Variants in SLC44A1 observed in about 807,000 individuals in gnomAD.
SLC44A1 encodes choline transporter-like protein 1.
SLC44A1 carries 26 observed loss-of-function variants against 79.3 expected under a neutral mutation model. The observed-to-expected ratio is 0.33, with a 90% CI of 0.24 to 0.46. The LOEUF is 0.46. Among genes scored for constraint, SLC44A1 ranks in the 20% least tolerant of loss-of-function variants. The probability of loss-of-function intolerance (pLI) is 1.00; values close to 1 mark genes in which losing one functional copy is unlikely to be tolerated. For missense variants in SLC44A1, 688 were observed against 798.1 expected (o/e 0.86, Z 1.66); for synonymous variants, 263 against 286.2 (o/e 0.92, Z 0.82).
intron 15 of SLC44A1, among the ~76,000 whole-genome samples, chr9:105,411,452 ATGTGTG>A (rs143819316): frequency 1.1e-4 from 14 of 127,544 alleles, no homozygotes; most frequent in Admixed American, 3.9e-4. Context: ...CTCTCTGTGT[ATGTGTG>A]TGTGTGTGTG....
intron 3 of SLC44A1, among the ~76,000 whole-genome samples, chr9:105,329,081 A>G (rs1247259664): frequency 6.6e-6 from 1 of 152,182 alleles, no homozygotes; most frequent in East Asian, 1.9e-4. Flanking sequence ...TGGGTGGAGT[A>G]CAGATCTGCG....
intron 5 of SLC44A1, among the ~76,000 whole-genome samples, chr9:105,354,218 T>A (rs574218010): frequency 0.018 from 2,744 of 150,380 alleles, 79 homozygotes; most frequent in African/African-American, 0.064. Flanking sequence ...GCCCGGCTAA[T>A]TTTTTGTATT....
chr9:105,297,123 G>T (rs1830744801), intron 1 of SLC44A1, among the ~76,000 whole-genome samples: 1 of 152,092 alleles, frequency 6.6e-6, no homozygotes, highest in Admixed American at 6.6e-5. Context: ...TGACTAACTA[G>T]TGCTCTTTTG....
intron 3 of SLC44A1, among the ~76,000 whole-genome samples, chr9:105,314,050 G>A (rs1255628154): frequency 6.6e-6 from 1 of 152,070 alleles, no homozygotes; most frequent in Non-Finnish European, 1.5e-5. Flanking sequence ...AGGCGTGCAC[G>A]ACTGCGCCCA....
chr9:105,276,123 G>A (rs1209629728), intron 1 of SLC44A1, among the ~76,000 whole-genome samples: 1 of 152,080 alleles, frequency 6.6e-6, no homozygotes, highest in East Asian at 1.9e-4. Flanking sequence ...CAATCTTAGA[G>A]TCACCAGGGC....
intron 1 of SLC44A1, among the ~76,000 whole-genome samples, chr9:105,274,705 A>G (rs368441733): frequency 7.9e-5 from 12 of 152,342 alleles, no homozygotes; most frequent in African/African-American, 1.7e-4. Context: ...AATAACAGTA[A>G]CACAACTATG....
intron 5 of SLC44A1, among the ~76,000 whole-genome samples, chr9:105,352,704 C>T (rs1001650568): frequency 6.6e-6 from 1 of 152,028 alleles, no homozygotes; most frequent in African/African-American, 2.4e-5. Context: ...GAAATGATCT[C>T]GTAATACTAG....
At chr9:105,398,952 C>T (rs971418624), downstream of SLC44A1, among the ~76,000 whole-genome samples, 7 of 152,154 alleles carry the variant, frequency 4.6e-5, no homozygotes, top group African/African-American at 1.2e-4. Flanking sequence ...AAAAATCGCA[C>T]ACACAAAAAA....
intron 2 of SLC44A1, among the ~76,000 whole-genome samples, chr9:105,305,842 C>CTTT (rs1564426808): frequency 7.4e-6 from 1 of 134,382 alleles, no homozygotes; most frequent in African/African-American, 3.0e-5. Context: ...AAAAGTGTGT[C>CTTT]CTTTTTTTTT....
At chr9:105,264,103 G>A (rs1829904988) in intron 1 of SLC44A1, among the ~76,000 whole-genome samples, 1 of 152,068 alleles carries the variant, frequency 6.6e-6, no homozygotes, top group South Asian at 2.1e-4. Flanking sequence ...CCTACTTCGG[G>A]TTGCCCTTAT....
chr9:105,380,219 C>T (rs182967419), intron 13 of SLC44A1, among the ~76,000 whole-genome samples: 214 of 152,304 alleles, frequency 1.4e-3, no homozygotes, highest in African/African-American at 4.9e-3. Context: ...GTACTAATTC[C>T]GTAATTCAAA....
intron 1 of SLC44A1, among the ~76,000 whole-genome samples, chr9:105,297,464 A>G (rs1588748829): frequency 6.6e-6 from 1 of 151,806 alleles, no homozygotes; most frequent in South Asian, 2.1e-4. Context: ...GCTTACCACA[A>G]CCTCCGCCTC....
chr9:105,378,890 T>C (rs1828374471), intron 13 of SLC44A1, among the ~76,000 whole-genome samples: 1 of 152,238 alleles, frequency 6.6e-6, no homozygotes, highest in South Asian at 2.1e-4. Context: ...AAATGAATTG[T>C]TCATATACAT....
At chr9:105,304,315 GA>G (rs1170604866) in intron 2 of SLC44A1, among the ~76,000 whole-genome samples, 1 of 152,112 alleles carries the variant, frequency 6.6e-6, no homozygotes, top group Non-Finnish European at 1.5e-5. Context: ...TGGGATCACA[GA>G]AATAAGAACA....
chr9:105,303,527 C>G (rs532919060), intron 2 of SLC44A1, among the ~76,000 whole-genome samples: 1 of 152,174 alleles, frequency 6.6e-6, no homozygotes, highest in Non-Finnish European at 1.5e-5. Flanking sequence ...AGACACTGTT[C>G]TTAGCACTTG....
At chr9:105,305,318 C>T (rs989762731) in intron 2 of SLC44A1, among the ~76,000 whole-genome samples, 4 of 151,626 alleles carry the variant, frequency 2.6e-5, no homozygotes, top group Non-Finnish European at 5.9e-5. Context: ...AGAGAGGCAT[C>T]CTATTACATT....
chr9:105,437,271 C>T (rs1184200813), intron 15 of SLC44A1, among the ~76,000 whole-genome samples: 2 of 151,818 alleles, frequency 1.3e-5, no homozygotes, highest in Admixed American at 6.6e-5. Flanking sequence ...ATCTAGATCT[C>T]GATATCTATC....
At chr9:105,253,166 A>G (rs1276839838) in intron 1 of SLC44A1, among the ~76,000 whole-genome samples, 1 of 152,214 alleles carries the variant, frequency 6.6e-6, no homozygotes, top group Non-Finnish European at 1.5e-5. Context: ...GAAAACCCTT[A>G]AAAGCAACTT....
rs1588760047 is a variant in SLC44A1 at position 105,306,829 on chromosome 9, T to C, written c.127-2895T>C. 2.0e-5 allele frequency among the ~76,000 whole-genome samples: 3 copies of C among 152,034 alleles called. No homozygotes were observed. In the South Asian group the frequency reaches 6.2e-4, roughly 32 times the overall value. ...TGTAACACAATGTACTTATCAAACA[T>C]AAGAAGAAAATTCCTATAAAAAGTA... On this transcript the variant is annotated intron_variant, in intron 2 of 15. Transcript: ENST00000374720.
Sources: gnomAD v4.1 joint callset for allele counts (sites outside exome capture counted in the v4.1 genomes callset) on GRCh38, gnomAD v4.1.1 for gene constraint, MANE v1.5 for transcripts, NCBI Gene and HGNC (gene_info 2026-07-23, HGNC 2026-07-21) for gene names.